Variants in RAD23B observed in about 807,000 individuals in gnomAD.
RAD23B encodes the protein RAD23 nucleotide excision repair protein B.
RAD23B carries 5 observed loss-of-function variants against 49.1 expected under a neutral mutation model. The ratio of observed to expected loss-of-function variants is 0.10; its 90% CI spans 0.05 to 0.21. The LOEUF is 0.21. Among genes scored for constraint, RAD23B ranks in the 10% least tolerant of loss-of-function variants. The pLI, the probability that RAD23B is intolerant of heterozygous loss-of-function variation, is 1.00. For missense variants in RAD23B, 356 were observed against 486.7 expected (o/e 0.73, Z 2.53); for synonymous variants, 184 against 165.4 (o/e 1.11, Z -0.86).
chr9:107,305,495 T>C (rs1024919964), intron 3 of RAD23B, among the ~76,000 whole-genome samples: 6 of 152,102 alleles, frequency 3.9e-5, no homozygotes, highest in Admixed American at 6.6e-5. Context: ...GTGTAACTTA[T>C]ATTGAAAAAA....
chr9:107,294,920 A>G (rs563050127), intron 1 of RAD23B, among the ~76,000 whole-genome samples: 56 of 152,304 alleles, frequency 3.7e-4, no homozygotes, highest in Admixed American at 9.2e-4. Flanking sequence ...AAAGTGTGGC[A>G]TCCTGGAAGC....
Position 107,331,666 on chromosome 9 carries a change from C to T in RAD23B, c.*2010C>T, listed in dbSNP as rs764315995. 3.9e-6 allele frequency: 3 copies of T among 767,802 alleles called. No individual in the cohort carries two copies. The highest frequency in any genetic ancestry group is 7.2e-6 in the Non-Finnish European group (3 of 415,066). The allele number at this position is 767,802 out of a possible 1,614,324, so 47.6% of individuals were successfully genotyped here. On this transcript the variant is annotated 3_prime_UTR_variant, in exon 10 of 10. Coordinates refer to ENST00000358015, the MANE Select transcript of RAD23B (RefSeq NM_002874.5). ...TATTTTATGACATTCTCTGTCTACTCAGATCATAGTGAAAACTGGAAACAA... is the reference window on the plus strand; with the variant it reads ...TATTTTATGACATTCTCTGTCTACTTAGATCATAGTGAAAACTGGAAACAA...
chr9:107,301,683 A>C (rs1826657337), intron 2 of RAD23B, among the ~76,000 whole-genome samples: 1 of 151,876 alleles, frequency 6.6e-6, no homozygotes. Context: ...GACCATAGGC[A>C]TGTGCCACAA....
Position 107,318,381 on chromosome 9 carries a change from C to T in RAD23B, c.554-371C>T, listed in dbSNP as rs1298940459. On this transcript the variant is annotated intron_variant, in intron 5 of 9. Coordinates refer to ENST00000358015, the MANE Select transcript of RAD23B (RefSeq NM_002874.5). This position sits in a 1 kb window ranked among gnomAD's most constrained non-coding sequence, Gnocchi z 4.3. Reference sequence around the variant, plus strand: ...TCCTGGTTTTGTCTCCTCCTCCTCACACCTGTTTCTCTGACCCTCTCATCT... The same window carrying T: ...TCCTGGTTTTGTCTCCTCCTCCTCATACCTGTTTCTCTGACCCTCTCATCT... Among the ~76,000 whole-genome samples, 1 of 152,206 alleles carries T rather than the reference C, an allele frequency of 6.6e-6. No homozygotes were observed. The highest frequency in any genetic ancestry group is 1.5e-5 in the Non-Finnish European group (1 of 68,028).
At chr9:107,327,594 TC>T (rs1178185753) in intron 9 of RAD23B, among the ~76,000 whole-genome samples, 1 of 152,228 alleles carries the variant, frequency 6.6e-6, no homozygotes, top group East Asian at 1.9e-4. Flanking sequence ...CCTTTCGATT[TC>T]TAAATTCATT....
chr9:107,312,958 G>T (rs544319593), intron 5 of RAD23B, among the ~76,000 whole-genome samples: 22 of 152,244 alleles, frequency 1.4e-4, no homozygotes, highest in Non-Finnish European at 2.6e-4. Context: ...CTGTGACGAT[G>T]TCTTCCCATT....
chr9:107,306,276 T>C, intron 3 of RAD23B, 103 bp from the exon 4 acceptor site: 1 of 1,079,516 alleles, frequency 9.3e-7, no homozygotes, highest in Non-Finnish European at 1.3e-6. Flanking sequence ...TATAGGTTGT[T>C]ATTAGTGCTA....
intron 2 of RAD23B, among the ~76,000 whole-genome samples, chr9:107,301,678 T>C (rs2133074960): frequency 6.6e-6 from 1 of 152,202 alleles, no homozygotes; most frequent in Admixed American, 6.5e-5. Context: ...GCTAGGACCA[T>C]AGGCATGTGC....
At chr9:107,311,504 A>G (rs542814152) in intron 4 of RAD23B, among the ~76,000 whole-genome samples, 178 bp from the exon 5 acceptor site, 21 of 152,288 alleles carry the variant, frequency 1.4e-4, no homozygotes, top group East Asian at 5.8e-4. Context: ...CCAAACCACA[A>G]ATGTTGTAGA....
chr9:107,329,499 A>G (rs372225339), intron 9 of RAD23B, 44 bp from the exon 10 acceptor site: 5 of 1,188,888 alleles, frequency 4.2e-6, no homozygotes, highest in Non-Finnish European at 3.7e-6. Context: ...TAAATGTGCC[A>G]TAATTGGTGT....
At chr9:107,284,297 T>G in intron 1 of RAD23B, 1 of 891,976 alleles carries the variant, frequency 1.1e-6, no homozygotes, top group Non-Finnish European at 1.3e-6. Context: ...CCCACACCCT[T>G]GCGTAGATTG....
intron 9 of RAD23B, among the ~76,000 whole-genome samples, chr9:107,325,414 C>A (rs1827186462): frequency 6.7e-6 from 1 of 148,428 alleles, no homozygotes; most frequent in African/African-American, 2.5e-5. Flanking sequence ...TCTATAATTT[C>A]TTTCAATAGT....
intron 4 of RAD23B, 44 bp from the exon 5 acceptor site, chr9:107,311,638 T>G (rs369759634): frequency 1.4e-6 from 2 of 1,402,186 alleles, no homozygotes. Context: ...AAATTAAATT[T>G]TATATACTTT....
At chr9:107,293,847 G>T (rs1833433684) in intron 1 of RAD23B, among the ~76,000 whole-genome samples, 1 of 152,198 alleles carries the variant, frequency 6.6e-6, no homozygotes, top group Non-Finnish European at 1.5e-5. Flanking sequence ...ACGCTGACAA[G>T]ATTATAGCTC....
chr9:107,319,117 A>G (rs965021538), intron 6 of RAD23B, among the ~76,000 whole-genome samples: 2 of 122,728 alleles, frequency 1.6e-5, no homozygotes, highest in South Asian at 5.2e-4. Flanking sequence ...CAGAACAAAA[A>G]TTTCTTTTTT....
chr9:107,285,051 C>A, intron 1 of RAD23B: 3 of 931,776 alleles, frequency 3.2e-6, no homozygotes, highest in South Asian at 1.7e-5. Context: ...TAAGAAACAG[C>A]CTTTTTGGGA....
intron 3 of RAD23B, among the ~76,000 whole-genome samples, chr9:107,305,226 T>C (rs567879871): frequency 6.6e-6 from 1 of 152,256 alleles, no homozygotes; most frequent in Non-Finnish European, 1.5e-5. Context: ...GGCAGGAGCC[T>C]TGGGAGGTTG....
chr9:107,328,415 G>A (rs1473735154), intron 9 of RAD23B, among the ~76,000 whole-genome samples: 1 of 152,108 alleles, frequency 6.6e-6, no homozygotes, highest in East Asian at 1.9e-4. Context: ...TAGGAAGTGG[G>A]GTGGGGCGGT....
chr9:107,319,132 T>TTC (rs1554743449), intron 6 of RAD23B, among the ~76,000 whole-genome samples: 65 of 132,246 alleles, frequency 4.9e-4, no homozygotes, highest in Non-Finnish European at 4.7e-5. Context: ...TTTTTTCTTT[T>TTC]TTTTTTTTTT....
Sources: gnomAD v4.1 joint callset for allele counts (sites outside exome capture counted in the v4.1 genomes callset) on GRCh38, gnomAD v4.1.1 for gene constraint, Gnocchi (gnomAD v3.1) non-coding constraint, MANE v1.5 for transcripts, NCBI Gene and HGNC (gene_info 2026-07-23, HGNC 2026-07-21) for gene names.